The following SLC9A9 variants were observed in gnomAD, a reference collection of about 807,000 sequenced individuals.
SLC9A9 encodes solute carrier family 9 member A9.
Under a neutral mutation model 77.8 loss-of-function variants are expected in SLC9A9, and 62 were observed. That is an observed-to-expected ratio of 0.80 (90% confidence interval 0.65 to 0.98). The LOEUF (loss-of-function observed/expected upper bound fraction) is 0.98, where lower values mean the gene tolerates loss of function less well. Among genes scored for constraint, SLC9A9 ranks in the 50% least tolerant of loss-of-function variants. SLC9A9 has a pLI of 0.00. For synonymous variants in SLC9A9, 320 were observed against 283.5 expected (o/e 1.13, Z -1.29); for missense variants, 775 against 774.9 (o/e 1.00, Z 0.00).
chr3:143,538,060 C>T (rs2036622173), intron 9 of SLC9A9, among the ~76,000 whole-genome samples: 1 of 152,102 alleles, frequency 6.6e-6, no homozygotes, highest in African/African-American at 2.4e-5. Flanking sequence ...ATTCTGGAAC[C>T]TATAATAAAG....
chr3:143,517,596 C>T (rs1016164248), intron 9 of SLC9A9: 3 of 1,597,542 alleles, frequency 1.9e-6, no homozygotes, highest in Non-Finnish European at 1.7e-6. Flanking sequence ...TCATCATAAT[C>T]CAATTTACAG....
At chr3:143,443,771 T>C (rs2034793879) in intron 12 of SLC9A9, among the ~76,000 whole-genome samples, 1 of 152,334 alleles carries the variant, frequency 6.6e-6, no homozygotes, top group Middle Eastern at 3.4e-3. Flanking sequence ...AACAATTCTT[T>C]AGAAGTAGCA....
chr3:143,848,112 C>T, intron 1 of SLC9A9, 36 bp downstream of exon 1: 1 of 1,591,524 alleles, frequency 6.3e-7, no homozygotes, highest in East Asian at 2.2e-5. Flanking sequence ...GCTCAAGCAA[C>T]AAGTTTCACA....
chr3:143,572,929 C>G (rs1416171644), intron 8 of SLC9A9, among the ~76,000 whole-genome samples: 2 of 152,170 alleles, frequency 1.3e-5, no homozygotes, highest in Non-Finnish European at 2.9e-5. Flanking sequence ...TCCTACCTAC[C>G]CTTAGAGGTC....
At chr3:143,563,731 A>T (rs1219791648) in intron 8 of SLC9A9, among the ~76,000 whole-genome samples, 1 of 152,202 alleles carries the variant, frequency 6.6e-6, no homozygotes, top group African/African-American at 2.4e-5. Flanking sequence ...GTGTTACATA[A>T]TAAATCTATT....
intron 14 of SLC9A9, among the ~76,000 whole-genome samples, chr3:143,306,795 C>G (rs971710634): frequency 5.3e-5 from 8 of 152,134 alleles, no homozygotes; most frequent in African/African-American, 9.7e-5. Flanking sequence ...GCAGAAAATG[C>G]AACTCTAGAA....
At chr3:143,820,548 C>T (rs2009139406) in intron 2 of SLC9A9, among the ~76,000 whole-genome samples, 1 of 152,166 alleles carries the variant, frequency 6.6e-6, no homozygotes, top group Admixed American at 6.5e-5. Context: ...GCTGCTGGTC[C>T]CTTGTGGGCC....
intron 4 of SLC9A9, among the ~76,000 whole-genome samples, chr3:143,777,726 T>TC (rs2007738031): frequency 6.6e-6 from 1 of 151,254 alleles, no homozygotes; most frequent in African/African-American, 2.4e-5. Context: ...CTTTTTTTTT[T>TC]TTTTTTGAGG....
At chr3:143,389,062 A>T (rs2033493536) in intron 12 of SLC9A9, among the ~76,000 whole-genome samples, 1 of 152,218 alleles carries the variant, frequency 6.6e-6, no homozygotes, top group Non-Finnish European at 1.5e-5. Context: ...ATGAACACAG[A>T]GGTGGACAGA....
chr3:143,354,432 C>T (rs562891219), intron 14 of SLC9A9, among the ~76,000 whole-genome samples: 91 of 152,308 alleles, frequency 6.0e-4, no homozygotes, highest in Non-Finnish European at 9.4e-4. Context: ...CTGCCCAACA[C>T]TCTGTGTGAT....
intron 8 of SLC9A9, among the ~76,000 whole-genome samples, chr3:143,560,881 A>G (rs1340812579): frequency 6.6e-6 from 1 of 152,208 alleles, no homozygotes; most frequent in East Asian, 1.9e-4. Flanking sequence ...GCATTTTTCT[A>G]ATTAAAATTT....
chr3:143,329,481 C>T (rs768622470), intron 14 of SLC9A9, among the ~76,000 whole-genome samples: 22 of 152,114 alleles, frequency 1.4e-4, no homozygotes, highest in Admixed American at 3.9e-4. Flanking sequence ...TTTTGATTTC[C>T]CATTGAGTTC....
intron 2 of SLC9A9, among the ~76,000 whole-genome samples, chr3:143,831,353 T>A (rs1302069024): frequency 6.6e-6 from 1 of 152,198 alleles, no homozygotes; most frequent in Non-Finnish European, 1.5e-5. Flanking sequence ...TGACCCAGAT[T>A]CCTGAAAGCA....
chr3:143,370,565 G>GCACACACACACA (rs1400523794), intron 13 of SLC9A9, among the ~76,000 whole-genome samples: 48 of 38,408 alleles, frequency 1.2e-3, no homozygotes, highest in Middle Eastern at 0.011. Flanking sequence ...ATGCATGTGC[G>GCACACACACACA]CGCACACACA....
At chr3:143,502,584 G>A (rs539398602) in intron 9 of SLC9A9, among the ~76,000 whole-genome samples, 1 of 152,120 alleles carries the variant, frequency 6.6e-6, no homozygotes, top group Admixed American at 6.5e-5. Context: ...ATGGTTCATA[G>A]GGAAATATTA....
At chr3:143,617,368 A>G (rs1317165538) in intron 6 of SLC9A9, among the ~76,000 whole-genome samples, 1 of 152,222 alleles carries the variant, frequency 6.6e-6, no homozygotes, top group Admixed American at 6.5e-5. Context: ...CCTATGGCCC[A>G]TAAAGCCTAA....
rs191803926 is a variant in SLC9A9, at chr3:143,621,323, T to A, written c.755+30932A>T. ...AGAACGGACAGACTGCCTCCTCAAG[T>A]GGGTCCCTGACCCCCGAATAGCCTA... On this transcript the variant is annotated intron_variant, in intron 6 of 15. Coordinates refer to ENST00000316549, the MANE Select transcript of SLC9A9 (RefSeq NM_173653.4). Among the ~76,000 whole-genome samples the A allele has an allele frequency of 3.3e-4, 50 of 152,296 alleles. 1 individual carries two copies. The highest frequency in any genetic ancestry group is 9.4e-4 in the African/African-American group (39 of 41,560).
At chr3:143,403,145 G>T (rs910085324) in intron 12 of SLC9A9, among the ~76,000 whole-genome samples, 6 of 151,812 alleles carry the variant, frequency 4.0e-5, no homozygotes, top group Admixed American at 2.0e-4. Flanking sequence ...TATCAATCTT[G>T]CATCTTTTTA....
chr3:143,624,321 A>C (rs2108717732), intron 6 of SLC9A9, among the ~76,000 whole-genome samples: 2 of 152,302 alleles, frequency 1.3e-5, no homozygotes, highest in South Asian at 4.1e-4. Flanking sequence ...AAAAAAGAGA[A>C]TTTTAGACCA....
Sources: allele counts gnomAD v4.1 joint callset (sites outside exome capture counted in the v4.1 genomes callset), GRCh38; gene constraint gnomAD v4.1.1; transcripts MANE v1.5; gene names NCBI Gene and HGNC (gene_info 2026-07-23, HGNC 2026-07-21).